The following ZMAT4 variants were observed in gnomAD, a reference collection of about 807,000 sequenced individuals.
ZMAT4 encodes the protein zinc finger matrin-type 4.
ZMAT4 carries 17 observed loss-of-function variants against 28.7 expected under a neutral mutation model. That is an observed-to-expected ratio of 0.59 (90% CI 0.41 to 0.89). The LOEUF is 0.89. ZMAT4 is among the 40% of genes least tolerant of loss of function. The pLI is 0.00. For missense variants in ZMAT4, 240 were observed against 283.8 expected (o/e 0.85, Z 1.11); for synonymous variants, 117 against 109.2 (o/e 1.07, Z -0.44).
Position 40,697,365 on chromosome 8 carries a change from A to G in ZMAT4, c.229T>C (p.Cys77Arg). ...GTGAATGACATGTTGCAGAGTGTGC[A>G]GCACTTGTTCTTATCCACCATGTCG... is the stretch of plus-strand genomic sequence containing the variant. ...DADMVDKNKC[C>R]TLCNMSFTSA... is the part of the protein sequence containing the mutation. Residue 77 changes from cysteine to arginine, a missense_variant, in exon 4 of 7, where the codon TGC (cysteine) becomes CGC (arginine). By Grantham distance (180) the Cys-to-Arg change is radical. Transcript: ENST00000297737. 6.2e-7 allele frequency: 1 copy of G among 1,611,548 alleles called. No homozygotes were observed. Among genetic ancestry groups the G allele is most frequent in the Non-Finnish European group, 8.5e-7 (1 of 1,178,708 alleles).
At chr8:40,571,509 A>T (rs943258250) in intron 6 of ZMAT4, among the ~76,000 whole-genome samples, 1 of 152,128 alleles carries the variant, frequency 6.6e-6, no homozygotes, top group Non-Finnish European at 1.5e-5. Context: ...CTACCAATTA[A>T]AGACAGGGCT....
At chr8:40,708,403 A>G (rs1810455546) in intron 3 of ZMAT4, among the ~76,000 whole-genome samples, 1 of 152,182 alleles carries the variant, frequency 6.6e-6, no homozygotes, top group Non-Finnish European at 1.5e-5. Flanking sequence ...ACAGCTTCAT[A>G]CTGAGGAGAA....
chr8:40,756,459 C>CATACAT (rs59936081), intron 3 of ZMAT4, among the ~76,000 whole-genome samples: 3 of 64,944 alleles, frequency 4.6e-5, no homozygotes, highest in African/African-American at 1.3e-4. Flanking sequence ...TATATATATA[C>CATACAT]ACACTTGTAT....
chr8:40,689,664 T>C (rs907452598), intron 4 of ZMAT4, among the ~76,000 whole-genome samples: 3 of 152,134 alleles, frequency 2.0e-5, no homozygotes, highest in African/African-American at 4.8e-5. Context: ...CTTTAATAGA[T>C]GATTCAGGAG....
chr8:40,754,211 A>G (rs1181262200), intron 3 of ZMAT4, among the ~76,000 whole-genome samples: 1 of 152,118 alleles, frequency 6.6e-6, no homozygotes, highest in Non-Finnish European at 1.5e-5. Context: ...TGGCATGCAA[A>G]CAAACAAGAG....
chr8:40,824,751 A>AAAAAGAAAGAAAG (rs562052904), intron 2 of ZMAT4, among the ~76,000 whole-genome samples: 1 of 151,316 alleles, frequency 6.6e-6, no homozygotes, highest in African/African-American at 2.4e-5. Flanking sequence ...AAGAAAAGAA[A>AAAAAGAAAGAAAG]AAAAGAAAGA....
chr8:40,573,588 A>C (rs1804168351), intron 6 of ZMAT4, among the ~76,000 whole-genome samples: 1 of 152,200 alleles, frequency 6.6e-6, no homozygotes, highest in Non-Finnish European at 1.5e-5. Context: ...ATTTACATAT[A>C]AGGCCATATT....
chr8:40,824,960 CA>C (rs1346034270), intron 2 of ZMAT4, among the ~76,000 whole-genome samples: 2 of 152,134 alleles, frequency 1.3e-5, no homozygotes, highest in African/African-American at 4.8e-5. Flanking sequence ...AATAGAGGAT[CA>C]AAAAGTGGTC....
intron 5 of ZMAT4, among the ~76,000 whole-genome samples, chr8:40,625,164 A>G (rs1585775876): frequency 6.6e-6 from 1 of 152,170 alleles, no homozygotes; most frequent in East Asian, 1.9e-4. Context: ...GAAAGAGAAC[A>G]GCTTGATGCA....
At chr8:40,554,589 T>A (rs890565239) in intron 6 of ZMAT4, among the ~76,000 whole-genome samples, 3 of 152,166 alleles carry the variant, frequency 2.0e-5, no homozygotes, top group African/African-American at 7.2e-5. Context: ...ATCAATAGCA[T>A]TTTTATCTAT....
chr8:40,680,511 A>C (rs1175842653), intron 4 of ZMAT4, among the ~76,000 whole-genome samples: 2 of 152,104 alleles, frequency 1.3e-5, no homozygotes, highest in Non-Finnish European at 2.9e-5. Flanking sequence ...GACAGATCTC[A>C]AAGCTCTGTC....
chr8:40,678,037 A>G (rs963132544), intron 4 of ZMAT4, among the ~76,000 whole-genome samples: 3 of 151,916 alleles, frequency 2.0e-5, no homozygotes, highest in Non-Finnish European at 4.4e-5. Flanking sequence ...TGTTTTTAAA[A>G]CCTCCCTCCT....
intron 6 of ZMAT4, among the ~76,000 whole-genome samples, chr8:40,579,132 T>G (rs1031361212): frequency 1.3e-5 from 2 of 152,212 alleles, no homozygotes; most frequent in Non-Finnish European, 2.9e-5. Flanking sequence ...CTAGCACAGA[T>G]TCTAGCCCAT....
intron 5 of ZMAT4, among the ~76,000 whole-genome samples, chr8:40,588,563 G>T (rs1160817822): frequency 6.6e-6 from 1 of 151,884 alleles, no homozygotes; most frequent in East Asian, 1.9e-4. Flanking sequence ...CAAATTAAAA[G>T]AACAATTAAA....
At chr8:40,625,643 G>A (rs370666907) in intron 5 of ZMAT4, among the ~76,000 whole-genome samples, 1 of 152,262 alleles carries the variant, frequency 6.6e-6, no homozygotes, top group East Asian at 1.9e-4. Context: ...GCAACAAGGT[G>A]GGAGGCAGGG....
At chr8:40,702,958 G>C (rs184848030) in intron 3 of ZMAT4, among the ~76,000 whole-genome samples, 1 of 152,198 alleles carries the variant, frequency 6.6e-6, no homozygotes, top group African/African-American at 2.4e-5. Flanking sequence ...GATAACAATC[G>C]ATTAAAAAGC....
rs550182870 is a variant in ZMAT4, at chr8:40,646,132, T to C, written c.577+28572A>G. On this transcript the variant is annotated intron_variant, in intron 5 of 6. Transcript: ENST00000297737. The stretch of plus-strand genomic sequence containing the variant: ...GTTGTGTTTTCAATTTTATATATTC[T>C]GAAAATTTTTGCTTTTTAAGTGTTT... 1.5e-3 allele frequency among the ~76,000 whole-genome samples: 225 copies of C among 152,084 alleles called. 1 individual carries two copies. The highest frequency in any genetic ancestry group is 5.3e-3 in the African/African-American group (220 of 41,566).
chr8:40,868,121 T>C (rs188273814), intron 1 of ZMAT4, among the ~76,000 whole-genome samples: 3 of 152,274 alleles, frequency 2.0e-5, no homozygotes, highest in Admixed American at 2.0e-4. Flanking sequence ...ATATCCATAA[T>C]ATATTTGTTG....
Position 40,575,166 on chromosome 8 carries a change from C to T in ZMAT4, c.674+5999G>A, listed in dbSNP as rs1373142022. 2.0e-5 allele frequency among the ~76,000 whole-genome samples: 3 copies of T among 152,152 alleles called. No individual in the cohort carries two copies. In the East Asian group the frequency reaches 5.8e-4, roughly 29 times the overall value. ...TGAGAGCAGGGAAGTCAACCCCAGG[C>T]TGTCCAAGCCAAACAGCTCAGCAAA... is the stretch of plus-strand genomic sequence containing the variant. On this transcript the variant is annotated intron_variant, in intron 6 of 6. Transcript: ENST00000297737.
Sources: gnomAD v4.1 joint callset for allele counts (sites outside exome capture counted in the v4.1 genomes callset) on GRCh38, gnomAD v4.1.1 for gene constraint, MANE v1.5 for transcripts, NCBI Gene and HGNC (gene_info 2026-07-23, HGNC 2026-07-21) for gene names.